Variants in EIF4G3 observed in about 807,000 individuals in gnomAD.
EIF4G3 encodes the protein eIF-4-gamma 3.
In EIF4G3, 34 loss-of-function variants were observed where a neutral mutation model predicts 186.4. The observed-to-expected ratio is 0.18, with a 90% CI of 0.14 to 0.24. The LOEUF is 0.24. Among genes scored for constraint, EIF4G3 ranks in the 10% least tolerant of loss-of-function variants. EIF4G3 has a pLI of 1.00. For synonymous variants in EIF4G3, 673 were observed against 679.5 expected (o/e 0.99, Z 0.15); for missense variants, 1,536 against 1,948.5 (o/e 0.79, Z 3.99).
chr1:20,930,363 C>T (rs552219210), intron 14 of EIF4G3, among the ~76,000 whole-genome samples: 15 of 152,318 alleles, frequency 9.8e-5, no homozygotes, highest in Non-Finnish European at 1.6e-4. Flanking sequence ...CTCTCATACC[C>T]TTCCGCTGTT....
chr1:21,138,431 T>G (rs1388858982), intron 2 of EIF4G3, among the ~76,000 whole-genome samples: 1 of 152,056 alleles, frequency 6.6e-6, no homozygotes, highest in African/African-American at 2.4e-5. Context: ...AAGAGAGAAT[T>G]CCTAAGCCCT....
intron 4 of EIF4G3, among the ~76,000 whole-genome samples, chr1:21,029,183 A>G (rs2092484270): frequency 6.6e-6 from 1 of 151,760 alleles, no homozygotes; most frequent in Non-Finnish European, 1.5e-5. Flanking sequence ...ACACCCAGCT[A>G]ATGTTTTATA....
intron 4 of EIF4G3, among the ~76,000 whole-genome samples, chr1:21,016,803 A>ATATTT (rs1235146342): frequency 6.6e-6 from 1 of 152,106 alleles, no homozygotes; most frequent in Non-Finnish European, 1.5e-5. Context: ...CTCCATCTCT[A>ATATTT]CTAAAAAATA....
intron 2 of EIF4G3, among the ~76,000 whole-genome samples, chr1:21,128,992 C>T (rs1311580348): frequency 6.6e-6 from 1 of 152,110 alleles, no homozygotes; most frequent in African/African-American, 2.4e-5. Context: ...AAAGGACAGA[C>T]CATGAGAGAA....
intron 11 of EIF4G3, 74 bp downstream of exon 11, chr1:20,972,928 T>G: frequency 5.0e-6 from 6 of 1,208,848 alleles, no homozygotes; most frequent in Non-Finnish European, 6.8e-6. Flanking sequence ...AGATGAATAA[T>G]GACTACGTAA....
At chr1:20,901,677 A>G (rs1250307778) in intron 15 of EIF4G3, among the ~76,000 whole-genome samples, 1 of 152,222 alleles carries the variant, frequency 6.6e-6, no homozygotes, top group Non-Finnish European at 1.5e-5. Flanking sequence ...TCACTGAATT[A>G]TCTGAGGTGT....
In EIF4G3 at chr1:21,176,767, C is replaced by T. The variant is rs761439769; in HGVS notation, c.-501G>A. 26 of 699,534 alleles carry T rather than the reference C, an allele frequency of 3.7e-5. No individual in the cohort carries two copies. The South Asian group carries it at 3.8e-4, about 10-fold the overall frequency. The allele number at this position is 699,534 out of a possible 1,614,324, so 43.3% of individuals were successfully genotyped here. ...TGGGCCGGCGGCGGGGGATCTTTAT[C>T]CCCCTCCCCGGAGGAAGCGGCGCCC... On this transcript the variant is annotated 5_prime_UTR_variant, in exon 1 of 37. Coordinates refer to ENST00000602326, the MANE Select transcript of EIF4G3 (RefSeq NM_001391906.1).
intron 22 of EIF4G3, among the ~76,000 whole-genome samples, chr1:20,863,772 A>T (rs1385880685): frequency 2.7e-5 from 1 of 36,804 alleles, no homozygotes; most frequent in Non-Finnish European, 7.0e-5. Context: ...AAAAAAAGAG[A>T]GAGAGAGAGA....
intron 20 of EIF4G3, among the ~76,000 whole-genome samples, chr1:20,876,301 G>A (rs1168201600): frequency 6.7e-6 from 1 of 148,454 alleles, no homozygotes; most frequent in Non-Finnish European, 1.5e-5. Context: ...ATGAACATAT[G>A]AGAGAGAGAG....
intron 2 of EIF4G3, among the ~76,000 whole-genome samples, chr1:21,096,270 T>A (rs2096367874): frequency 6.6e-6 from 1 of 152,206 alleles, no homozygotes; most frequent in South Asian, 2.1e-4. Context: ...AGCCATGATC[T>A]TATGTGAAAC....
chr1:21,080,551 C>A (rs1385283257), intron 3 of EIF4G3, among the ~76,000 whole-genome samples: 2 of 151,920 alleles, frequency 1.3e-5, no homozygotes, highest in Admixed American at 6.6e-5. Context: ...ACTCTGTTGC[C>A]CAGGCTCGAG....
intron 14 of EIF4G3, among the ~76,000 whole-genome samples, chr1:20,911,711 TACTA>T (rs1317289792): frequency 3.9e-5 from 6 of 152,030 alleles, no homozygotes; most frequent in Non-Finnish European, 5.9e-5. Flanking sequence ...TGCTTCTCTT[TACTA>T]ACTTATTTAT....
intron 29 of EIF4G3, among the ~76,000 whole-genome samples, chr1:20,844,888 T>C (rs1187808210): frequency 6.6e-6 from 1 of 152,170 alleles, no homozygotes; most frequent in Non-Finnish European, 1.5e-5. Flanking sequence ...GATGTGTATA[T>C]TGCAAACATT....
Position 20,954,359 on chromosome 1 carries a change from A to G in EIF4G3, c.715-4248T>C, listed in dbSNP as rs565765818. On this transcript the variant is annotated intron_variant, in intron 12 of 36. Transcript: ENST00000602326. ...AAGACCAGCCTGGCCAAGATGGTGA[A>G]ACCCCATCTCCACTAAAAATACAAA... 4.6e-5 allele frequency among the ~76,000 whole-genome samples: 7 copies of G among 152,072 alleles called. No individual in the cohort carries two copies. The East Asian group carries it at 1.4e-3, about 29-fold the overall frequency.
intron 2 of EIF4G3, among the ~76,000 whole-genome samples, chr1:21,132,036 G>A (rs1426031989): frequency 6.6e-6 from 1 of 151,906 alleles, no homozygotes; most frequent in Non-Finnish European, 1.5e-5. Context: ...AATTTTATGT[G>A]AGGAAAAATA....
intron 2 of EIF4G3, among the ~76,000 whole-genome samples, chr1:21,156,532 A>G (rs1240465675): frequency 6.6e-6 from 1 of 152,176 alleles, no homozygotes; most frequent in Non-Finnish European, 1.5e-5. Context: ...AACATGTCCT[A>G]AACTGAATTT....
intron 11 of EIF4G3, among the ~76,000 whole-genome samples, chr1:20,970,487 C>T (rs563278302): frequency 2.0e-5 from 3 of 152,160 alleles, no homozygotes; most frequent in African/African-American, 7.2e-5. Flanking sequence ...GTAGCACATG[C>T]CTGTAGTCTC....
chr1:21,146,762 A>G (rs553857333), intron 2 of EIF4G3, among the ~76,000 whole-genome samples: 1 of 152,122 alleles, frequency 6.6e-6, no homozygotes, highest in Admixed American at 6.6e-5. Flanking sequence ...CATCTCAAAA[A>G]TAAATAAATA....
At chr1:20,960,936 T>C (rs575123304) in intron 12 of EIF4G3, among the ~76,000 whole-genome samples, 6 of 152,312 alleles carry the variant, frequency 3.9e-5, no homozygotes, top group Non-Finnish European at 7.4e-5. Context: ...AAGAAACGTG[T>C]ACAACAGATA....
Sources: allele counts gnomAD v4.1 joint callset (sites outside exome capture counted in the v4.1 genomes callset), GRCh38; gene constraint gnomAD v4.1.1; transcripts MANE v1.5; gene names NCBI Gene and HGNC (gene_info 2026-07-23, HGNC 2026-07-21).